Variants in SETD5 observed in about 807,000 individuals in gnomAD.
SETD5 encodes the protein SET domain containing 5, also known as histone-lysine N-methyltransferase SETD5.
Under a neutral mutation model 153.3 loss-of-function variants are expected in SETD5, and 44 were observed. The ratio of observed to expected loss-of-function variants is 0.29; its 90% CI spans 0.23 to 0.37. The LOEUF is 0.37. Ranked by LOEUF, SETD5 falls within the 10% of genes least tolerant of loss-of-function variation. The pLI is 1.00. For missense variants in SETD5, 1,544 were observed against 1,768.0 expected, an observed-to-expected ratio of 0.87 and a Z score of 2.27; for synonymous variants, 716 against 645.2, an observed-to-expected ratio of 1.11 and a Z score of -1.66.
At chr3:9,405,510 CA>C (rs2035510730) in intron 1 of SETD5, among the ~76,000 whole-genome samples, 1 of 152,046 alleles carries the variant, frequency 6.6e-6, no homozygotes, top group Non-Finnish European at 1.5e-5. Flanking sequence ...ACCACCCCCA[CA>C]AAGGGGGAAA....
chr3:9,454,681 G>C (rs1050079554), intron 17 of SETD5, among the ~76,000 whole-genome samples: 29 of 115,214 alleles, frequency 2.5e-4, no homozygotes, highest in Admixed American at 1.3e-3. Context: ...TAAATCTAAA[G>C]TCTTTGTGCA....
chr3:9,460,274 A>T (rs971801107), intron 17 of SETD5, among the ~76,000 whole-genome samples: 7 of 151,946 alleles, frequency 4.6e-5, no homozygotes, highest in African/African-American at 1.7e-4. Context: ...AAAAAAAAAA[A>T]ACTAAAGAAC....
chr3:9,446,999 C>T, intron 13 of SETD5, 51 bp from the exon 14 acceptor site: 3 of 1,347,378 alleles, frequency 2.2e-6, no homozygotes, highest in South Asian at 1.4e-5. Flanking sequence ...AAAAGCTATC[C>T]ACTCGTCCTC....
At chr3:9,461,885 C>T (rs575141879) in intron 17 of SETD5, among the ~76,000 whole-genome samples, 4 of 152,074 alleles carry the variant, frequency 2.6e-5, no homozygotes, top group South Asian at 2.1e-4. Context: ...AAAGTTATTC[C>T]GAATATAAGC....
chr3:9,460,715 A>G (rs192371864), intron 17 of SETD5, among the ~76,000 whole-genome samples: 18 of 152,282 alleles, frequency 1.2e-4, no homozygotes, highest in Admixed American at 8.5e-4. Context: ...CATTTACAGA[A>G]GATTTTGGAA....
At chr3:9,418,096 G>C (rs1300730815) in intron 1 of SETD5, among the ~76,000 whole-genome samples, 1 of 150,650 alleles carries the variant, frequency 6.6e-6, no homozygotes, top group Non-Finnish European at 1.5e-5. Context: ...GCCTGCCACC[G>C]CTCCCGGCTA....
intron 1 of SETD5, among the ~76,000 whole-genome samples, chr3:9,400,842 C>G (rs996373785): frequency 6.6e-6 from 1 of 152,170 alleles, no homozygotes; most frequent in Non-Finnish European, 1.5e-5. Flanking sequence ...CCCCACAACT[C>G]CTGAACATTA....
intron 11 of SETD5, 56 bp from the exon 12 acceptor site, chr3:9,444,992 T>C: frequency 6.3e-7 from 1 of 1,576,784 alleles, no homozygotes; most frequent in Non-Finnish European, 8.6e-7. Context: ...GAATGGATAA[T>C]GTAACTGAAT....
chr3:9,434,593 A>AT lies in SETD5; in HGVS notation c.329+110dup. 6.5e-7 allele frequency: 1 copy of AT among 1,530,818 alleles called. No homozygotes were observed. Among genetic ancestry groups the AT allele is most frequent in the Non-Finnish European group, 8.8e-7 (1 of 1,138,634 alleles). 94.8% of individuals were successfully genotyped at this position (1,530,818 alleles called of 1,614,324 possible). ...TTTCTTGTGTTTGTTAATGTAGATG[A>AT]TTCCTTAGTGCTCCTTGGCTCGAAT... On this transcript the variant is annotated intron_variant, in intron 5 of 22. Transcript: ENST00000402198. This position sits in a 1 kb window ranked among gnomAD's most constrained non-coding sequence, Gnocchi z 5.6.
chr3:9,411,694 T>A (rs947062737), intron 1 of SETD5, among the ~76,000 whole-genome samples: 4 of 152,222 alleles, frequency 2.6e-5, no homozygotes, highest in African/African-American at 4.8e-5. Flanking sequence ...AACATAAGCA[T>A]CCAGTAAATG....
At chr3:9,467,581 C>T (rs2044760641) in intron 18 of SETD5, among the ~76,000 whole-genome samples, 1 of 152,120 alleles carries the variant, frequency 6.6e-6, no homozygotes, top group African/African-American at 2.4e-5. Context: ...CCTCATTTCC[C>T]CTACCTCAGC....
intron 16 of SETD5, among the ~76,000 whole-genome samples, chr3:9,451,288 G>T (rs1375149729): frequency 6.6e-6 from 1 of 152,162 alleles, no homozygotes; most frequent in Non-Finnish European, 1.5e-5. Flanking sequence ...TCAGTGTTCA[G>T]TACTGTACTA....
At chr3:9,473,916 G>A (rs1196266336) in intron 20 of SETD5, among the ~76,000 whole-genome samples, 2 of 152,200 alleles carry the variant, frequency 1.3e-5, no homozygotes, top group Non-Finnish European at 2.9e-5. Context: ...CACACAGCTA[G>A]CATATACAGA....
chr3:9,436,032 T>C, intron 7 of SETD5, 126 bp downstream of exon 7: 1 of 845,298 alleles, frequency 1.2e-6, no homozygotes, highest in East Asian at 2.7e-5. Flanking sequence ...TTGTTCTACT[T>C]GCAAAAATCA....
chr3:9,443,208 A>G (rs1353625064), intron 10 of SETD5, 100 bp from the exon 11 acceptor site: 3 of 842,060 alleles, frequency 3.6e-6, no homozygotes, highest in Admixed American at 2.2e-5. Context: ...TAAATAATAG[A>G]TTACCATAAC....
chr3:9,416,110 C>T (rs955728874), intron 1 of SETD5, among the ~76,000 whole-genome samples: 1 of 152,112 alleles, frequency 6.6e-6, no homozygotes, highest in Admixed American at 6.5e-5. Context: ...TGGTTTGTGA[C>T]ACTCAGTGTT....
intron 3 of SETD5, among the ~76,000 whole-genome samples, chr3:9,429,515 T>C (rs1361502533): frequency 6.6e-6 from 1 of 152,142 alleles, no homozygotes; most frequent in Non-Finnish European, 1.5e-5. Flanking sequence ...TTTATAATAT[T>C]CGTTGCCTAG....
chr3:9,437,310 C>T (rs1256260987), intron 7 of SETD5, among the ~76,000 whole-genome samples: 1 of 152,056 alleles, frequency 6.6e-6, no homozygotes, highest in Admixed American at 6.5e-5. Context: ...TTACTGTTTT[C>T]TCTTAGCATA....
At chr3:9,443,680 A>G (rs1490389340) in intron 11 of SETD5, among the ~76,000 whole-genome samples, 1 of 152,182 alleles carries the variant, frequency 6.6e-6, no homozygotes, top group Non-Finnish European at 1.5e-5. Flanking sequence ...GAATAGCAAA[A>G]TGGATATATA....
Sources: gnomAD v4.1 joint callset for allele counts (sites outside exome capture counted in the v4.1 genomes callset) on GRCh38, gnomAD v4.1.1 for gene constraint, Gnocchi (gnomAD v3.1) non-coding constraint, MANE v1.5 for transcripts, NCBI Gene and HGNC (gene_info 2026-07-23, HGNC 2026-07-21) for gene names.